Variants in PRDM16 observed in about 807,000 individuals in gnomAD.
PRDM16 encodes histone-lysine N-methyltransferase PRDM16.
A neutral mutation model predicts 110.6 loss-of-function variants in PRDM16; 23 were observed. That is an observed-to-expected ratio of 0.21 (90% confidence interval 0.15 to 0.29). The LOEUF is 0.29. PRDM16 is among the 10% of genes least tolerant of loss of function. PRDM16 has a pLI of 1.00. For missense variants in PRDM16, 1,615 were observed against 1,794.3 expected (o/e 0.90, Z 1.81); for synonymous variants, 799 against 781.8 (o/e 1.02, Z -0.37).
chr1:3,155,697 C>T (rs1431731932), intron 1 of PRDM16, among the ~76,000 whole-genome samples: 1 of 152,232 alleles, frequency 6.6e-6, no homozygotes, highest in Non-Finnish European at 1.5e-5. Context: ...GCAAAATGTG[C>T]TTGCGTTTGG....
intron 2 of PRDM16, among the ~76,000 whole-genome samples, chr1:3,219,672 C>T (rs560795711): frequency 2.9e-4 from 44 of 152,308 alleles, no homozygotes; most frequent in African/African-American, 1.0e-3. Flanking sequence ...CAGATAATGT[C>T]CCGCAGGAGT....
At chr1:3,133,978 A>G (rs1474244166) in intron 1 of PRDM16, among the ~76,000 whole-genome samples, 1 of 152,168 alleles carries the variant, frequency 6.6e-6, no homozygotes, top group African/African-American at 2.4e-5. Flanking sequence ...AGGAGGCTAG[A>G]GTTTTACTTT....
chr1:3,086,049 A>G (rs927275057), intron 1 of PRDM16, among the ~76,000 whole-genome samples: 2 of 152,212 alleles, frequency 1.3e-5, no homozygotes, highest in Non-Finnish European at 2.9e-5. Context: ...CAGAATGCGT[A>G]CACAGCTGCA....
chr1:3,085,937 C>T (rs891381275), intron 1 of PRDM16, among the ~76,000 whole-genome samples: 2 of 152,234 alleles, frequency 1.3e-5, no homozygotes, highest in Non-Finnish European at 2.9e-5. Context: ...GCCCCACTCA[C>T]GTGGGTTCAC....
At chr1:3,266,468 C>T (rs999514332) in intron 3 of PRDM16, among the ~76,000 whole-genome samples, 2 of 152,132 alleles carry the variant, frequency 1.3e-5, no homozygotes, top group African/African-American at 4.8e-5. Flanking sequence ...TGGGGAGGAC[C>T]GAGCGGTTCG....
intron 1 of PRDM16, among the ~76,000 whole-genome samples, chr1:3,180,936 AC>A (rs1412248702): frequency 2.0e-5 from 3 of 149,840 alleles, no homozygotes; most frequent in Non-Finnish European, 3.0e-5. Context: ...ACGCAGCCAC[AC>A]ACGCAGCCTT....
At chr1:3,121,949 G>A (rs958281838) in intron 1 of PRDM16, among the ~76,000 whole-genome samples, 3 of 152,218 alleles carry the variant, frequency 2.0e-5, no homozygotes, top group Admixed American at 6.5e-5. Flanking sequence ...TAATCTCCCC[G>A]AACAAAGGCC....
chr1:3,219,739 C>T (rs189777025), intron 2 of PRDM16, among the ~76,000 whole-genome samples: 4 of 152,312 alleles, frequency 2.6e-5, no homozygotes, highest in East Asian at 3.9e-4. Context: ...CCATCTCTCT[C>T]GCCCTGCATT....
intron 2 of PRDM16, among the ~76,000 whole-genome samples, chr1:3,214,368 A>G (rs1042552254): frequency 1.3e-5 from 2 of 152,090 alleles, no homozygotes; most frequent in Non-Finnish European, 2.9e-5. Flanking sequence ...GCTGATGTCC[A>G]CCCAATAGCA....
rs1179608052 is a variant in PRDM16, at chr1:3,255,207, G to A, written c.438+11070G>A. Reference sequence around the variant, plus strand: ...TAGACCTAAAACCATAAAAACCCTAGAAGAAAACCTAGGCATTACCATTCA... The same window carrying A: ...TAGACCTAAAACCATAAAAACCCTAAAAGAAAACCTAGGCATTACCATTCA... On this transcript the variant is annotated intron_variant, in intron 3 of 16. Transcript: ENST00000270722. This position sits in a 1 kb window ranked among gnomAD's most constrained non-coding sequence, Gnocchi z 4.7. Among the ~76,000 whole-genome samples, 2 of 152,052 alleles carry A rather than the reference G, an allele frequency of 1.3e-5. No homozygotes were observed. Among genetic ancestry groups the A allele is most frequent in the Non-Finnish European group, 1.5e-5 (1 of 67,998 alleles).
At chr1:3,098,622 C>T (rs921391307) in intron 1 of PRDM16, among the ~76,000 whole-genome samples, 16 of 152,310 alleles carry the variant, frequency 1.1e-4, no homozygotes, top group African/African-American at 2.9e-4. Context: ...GGGAGCGTGG[C>T]CACTGCACTG....
chr1:3,211,652 C>T (rs113856253), intron 2 of PRDM16, among the ~76,000 whole-genome samples: 14 of 152,342 alleles, frequency 9.2e-5, no homozygotes, highest in South Asian at 2.1e-4. Flanking sequence ...CAGTGGGGGC[C>T]GGCGCTGGTG....
intron 2 of PRDM16, among the ~76,000 whole-genome samples, chr1:3,202,152 C>T (rs1008722252): frequency 5.9e-5 from 9 of 152,134 alleles, no homozygotes; most frequent in African/African-American, 2.2e-4. Flanking sequence ...CTGGCCTTGC[C>T]CCTTCACCCG....
chr1:3,358,711 C>T lies in PRDM16; in HGVS notation c.439-26441C>T, dbSNP rs757820017. 6.6e-6 allele frequency among the ~76,000 whole-genome samples: 1 copy of T among 152,152 alleles called. No individual in the cohort carries two copies. On this transcript the variant is annotated intron_variant, in intron 3 of 16. Transcript: ENST00000270722. This position sits in a 1 kb window ranked among gnomAD's most constrained non-coding sequence, Gnocchi z 4.0. ...GGGCTCCCGTGAACAAATATCGCCA[C>T]GTGTGCGCGATCAGAGCTGAGTAAC... is the stretch of plus-strand genomic sequence containing the variant.
intron 1 of PRDM16, among the ~76,000 whole-genome samples, chr1:3,149,745 A>C (rs1269401531): frequency 1.3e-5 from 2 of 152,170 alleles, no homozygotes; most frequent in Non-Finnish European, 2.9e-5. Context: ...TTCCCTTGTT[A>C]ATTACCATTT....
At chr1:3,099,044 C>T (rs1022001854) in intron 1 of PRDM16, among the ~76,000 whole-genome samples, 3 of 152,222 alleles carry the variant, frequency 2.0e-5, no homozygotes, top group South Asian at 2.1e-4. Context: ...CAAGCCCCAT[C>T]GAGGGGACCC....
chr1:3,303,815 G>C, intron 3 of PRDM16, among the ~76,000 whole-genome samples: 1 of 146,582 alleles, frequency 6.8e-6, no homozygotes, highest in Non-Finnish European at 1.5e-5. Context: ...AGCGCAGGAG[G>C]CCGTGGGCTC....
Position 3,435,934 on chromosome 1 carries a change from G to C in PRDM16, c.*2123G>C. 1 of 231,278 alleles carries C rather than the reference G, an allele frequency of 4.3e-6. No individual in the cohort carries two copies. Among genetic ancestry groups the C allele is most frequent in the Non-Finnish European group, 8.6e-6 (1 of 116,810 alleles). The allele number at this position is 231,278 out of a possible 1,614,324, so 14.3% of individuals were successfully genotyped here. On this transcript the variant is annotated 3_prime_UTR_variant, in exon 17 of 17. Transcript: ENST00000270722. The stretch of plus-strand genomic sequence containing the variant: ...GTGCGTGCGCTGGGGCCATGGGGTG[G>C]CCCCGCCGGGGCAGCGGGGGAGCTG...
intron 1 of PRDM16, among the ~76,000 whole-genome samples, chr1:3,085,075 T>C (rs751499607): frequency 6.6e-6 from 1 of 152,166 alleles, no homozygotes; most frequent in Non-Finnish European, 1.5e-5. Context: ...TCTGTGTCAA[T>C]GGACAGCCTA....
Sources: gnomAD v4.1 joint callset for allele counts (sites outside exome capture counted in the v4.1 genomes callset) on GRCh38, gnomAD v4.1.1 for gene constraint, Gnocchi (gnomAD v3.1) non-coding constraint, MANE v1.5 for transcripts, NCBI Gene and HGNC (gene_info 2026-07-23, HGNC 2026-07-21) for gene names.